The following AK8 variants were observed in gnomAD, a reference collection of about 807,000 sequenced individuals.
The protein encoded by AK8 is adenylate kinase 8, also known as ATP-AMP transphosphorylase 8.
Under a neutral mutation model 54.6 loss-of-function variants are expected in AK8, and 44 were observed. The ratio of observed to expected loss-of-function variants is 0.81; its 90% CI spans 0.63 to 1.04. The LOEUF (loss-of-function observed/expected upper bound fraction) is 1.04, where lower values mean the gene tolerates loss of function less well. Among genes scored for constraint, AK8 ranks in the 50% least tolerant of loss-of-function variants. The probability of loss-of-function intolerance (pLI) is 0.00; values close to 1 mark genes in which losing one functional copy is unlikely to be tolerated. For missense variants in AK8, 555 were observed against 613.6 expected, an observed-to-expected ratio of 0.90 and a Z score of 1.01; for synonymous variants, 239 against 245.6, an observed-to-expected ratio of 0.97 and a Z score of 0.25.
chr9:132,872,541 C>A (rs1223213666), intron 2 of AK8, among the ~76,000 whole-genome samples: 1 of 152,106 alleles, frequency 6.6e-6, no homozygotes, highest in Non-Finnish European at 1.5e-5. Context: ...AGTCGTGGCA[C>A]CATGGCCTCT....
At chr9:132,869,421 C>A (rs1347291680) in intron 2 of AK8, among the ~76,000 whole-genome samples, 1 of 152,234 alleles carries the variant, frequency 6.6e-6, no homozygotes, top group Non-Finnish European at 1.5e-5. Context: ...ATCAACCATG[C>A]TGCCCTTCCA....
chr9:132,855,084 C>G (rs1009089295), intron 4 of AK8, among the ~76,000 whole-genome samples, 159 bp from the exon 5 acceptor site: 1 of 152,130 alleles, frequency 6.6e-6, no homozygotes, highest in African/African-American at 2.4e-5. Flanking sequence ...TTTCCTTGAA[C>G]TCTCTTCTCC....
At chr9:132,845,701 A>C (rs1463201871) in intron 5 of AK8, among the ~76,000 whole-genome samples, 2 of 151,920 alleles carry the variant, frequency 1.3e-5, no homozygotes, top group Non-Finnish European at 2.9e-5. Flanking sequence ...GAATCGCCTG[A>C]ACCTAGGAGG....
intron 4 of AK8, 139 bp from the exon 5 acceptor site, chr9:132,855,064 C>G: frequency 1.3e-6 from 1 of 762,572 alleles, no homozygotes; most frequent in Non-Finnish European, 2.3e-6. Flanking sequence ...TTCCTCCACC[C>G]GCTGCACCCT....
chr9:132,810,354 T>G (rs1840941302), intron 10 of AK8, among the ~76,000 whole-genome samples: 1 of 149,856 alleles, frequency 6.7e-6, no homozygotes, highest in Non-Finnish European at 1.5e-5. Flanking sequence ...GCCGTCAGCC[T>G]CCTTTGCATC....
chr9:132,838,468 G>A (rs182212537), intron 5 of AK8, among the ~76,000 whole-genome samples: 7 of 152,284 alleles, frequency 4.6e-5, no homozygotes, highest in Admixed American at 2.6e-4. Flanking sequence ...TTTGGGGCTG[G>A]GGGCCTGACC....
chr9:132,876,259 C>A (rs191196533), intron 1 of AK8, among the ~76,000 whole-genome samples: 29 of 152,114 alleles, frequency 1.9e-4, no homozygotes, highest in Non-Finnish European at 3.4e-4. Flanking sequence ...GTCACTGGTG[C>A]GATGATGGAA....
intron 5 of AK8, among the ~76,000 whole-genome samples, chr9:132,852,138 C>A (rs995779865): frequency 6.6e-6 from 1 of 152,136 alleles, no homozygotes; most frequent in Non-Finnish European, 1.5e-5. Flanking sequence ...GTGACCCTGA[C>A]AATAGTTCAA....
At chr9:132,852,769 CAAAAAAAAAAAAA>C (rs35786801) in intron 5 of AK8, among the ~76,000 whole-genome samples, 5 of 16,424 alleles carry the variant, frequency 3.0e-4, no homozygotes, top group Admixed American at 8.4e-4. Flanking sequence ...GATTAGGTCT[CAAAAAAAAAAAAA>C]AAAAAAAAAA....
At chr9:132,836,445 TA>T (rs1295143901) in intron 5 of AK8, among the ~76,000 whole-genome samples, 5 of 152,274 alleles carry the variant, frequency 3.3e-5, no homozygotes, top group East Asian at 3.9e-4. Flanking sequence ...AACTTAATAT[TA>T]AAAAAAATTG....
chr9:132,740,607 G>A (rs1837324919), intron 11 of AK8, among the ~76,000 whole-genome samples: 1 of 152,218 alleles, frequency 6.6e-6, no homozygotes, highest in African/African-American at 2.4e-5. Context: ...GGAATGAGCA[G>A]CTGGAATGGG....
Position 132,878,086 on chromosome 9 carries a change from C to T in AK8, c.84+86G>A, listed in dbSNP as rs1261534468. The T allele has an allele frequency of 3.3e-6, 5 of 1,538,136 alleles. No homozygotes were observed. The African/African-American group carries it at 4.1e-5, about 13-fold the overall frequency. On this transcript the variant is annotated intron_variant, in intron 1 of 12. Coordinates refer to ENST00000298545, the MANE Select transcript of AK8 (RefSeq NM_152572.3). The surrounding 1 kb of genome is among the most constrained non-coding windows in gnomAD (Gnocchi z 4.7). ...TCGTGGGCGCGCGACTCGGCCCCAG[C>T]TGCGGGTCCCGGCCGCGCACCCGAC...
intron 11 of AK8, among the ~76,000 whole-genome samples, chr9:132,757,779 T>C (rs944117932): frequency 1.3e-5 from 2 of 152,092 alleles, no homozygotes; most frequent in East Asian, 1.9e-4. Context: ...TCTATCAAAA[T>C]AGAACTGCCG....
chr9:132,822,327 A>G (rs1373792140), intron 9 of AK8, among the ~76,000 whole-genome samples: 1 of 149,568 alleles, frequency 6.7e-6, no homozygotes, highest in Non-Finnish European at 1.5e-5. Context: ...GTATGTATAT[A>G]CAAATATACA....
At chr9:132,801,510 A>G (rs1840456466) in intron 10 of AK8, among the ~76,000 whole-genome samples, 1 of 152,220 alleles carries the variant, frequency 6.6e-6, no homozygotes, top group Non-Finnish European at 1.5e-5. Context: ...CTAAGTGTAC[A>G]CTGCAGATCA....
At chr9:132,742,334 C>A (rs920764175) in intron 11 of AK8, among the ~76,000 whole-genome samples, 3 of 152,156 alleles carry the variant, frequency 2.0e-5, no homozygotes, top group Non-Finnish European at 2.9e-5. Flanking sequence ...CCACTACTCC[C>A]AGCTAATTTT....
chr9:132,793,021 C>G (rs977960245), intron 10 of AK8, among the ~76,000 whole-genome samples: 1 of 152,162 alleles, frequency 6.6e-6, no homozygotes, highest in African/African-American at 2.4e-5. Flanking sequence ...TTCCTGGACA[C>G]GACACCATCC....
At chr9:132,748,549 A>G (rs1246446521) in intron 11 of AK8, among the ~76,000 whole-genome samples, 1 of 151,860 alleles carries the variant, frequency 6.6e-6, no homozygotes, top group African/African-American at 2.4e-5. Context: ...TTCATTCAAC[A>G]AATATTTACC....
intron 4 of AK8, among the ~76,000 whole-genome samples, chr9:132,859,249 G>A (rs1277594807): frequency 6.6e-6 from 1 of 152,028 alleles, no homozygotes; most frequent in Non-Finnish European, 1.5e-5. Context: ...GGTAGGATGA[G>A]GGCTCACGTT....
Sources: allele counts gnomAD v4.1 joint callset (sites outside exome capture counted in the v4.1 genomes callset), GRCh38; gene constraint gnomAD v4.1.1; non-coding constraint Gnocchi (gnomAD v3.1); transcripts MANE v1.5; gene names NCBI Gene and HGNC (gene_info 2026-07-23, HGNC 2026-07-21).